The following CFAP43 variants were observed in gnomAD, a reference collection of about 807,000 sequenced individuals.
CFAP43 encodes the protein cilia and flagella associated protein 43.
Under a neutral mutation model 218.9 loss-of-function variants are expected in CFAP43, and 155 were observed. That is an observed-to-expected ratio of 0.71 (90% CI 0.62 to 0.81). The LOEUF is 0.81. CFAP43 is among the 30% of genes least tolerant of loss of function. CFAP43 has a pLI of 0.00. For synonymous variants in CFAP43, 645 were observed against 681.3 expected, an observed-to-expected ratio of 0.95 and a Z score of 0.83; for missense variants, 1,778 against 1,954.3, an observed-to-expected ratio of 0.91 and a Z score of 1.70.
At chr10:104,151,831 T>C (rs1451322296) in intron 28 of CFAP43, among the ~76,000 whole-genome samples, 2 of 152,198 alleles carry the variant, frequency 1.3e-5, no homozygotes, top group East Asian at 1.9e-4. Flanking sequence ...CAGAATGATA[T>C]TGCATAGGTT....
chr10:104,136,702 T>G (rs771547349), intron 34 of CFAP43, among the ~76,000 whole-genome samples: 24 of 151,990 alleles, frequency 1.6e-4, no homozygotes, highest in Non-Finnish European at 2.8e-4. Context: ...CATGAGACAA[T>G]CCACAGAAGG....
At chr10:104,153,884 A>G (rs2088406759) in intron 27 of CFAP43, among the ~76,000 whole-genome samples, 1 of 150,598 alleles carries the variant, frequency 6.6e-6, no homozygotes, top group Non-Finnish European at 1.5e-5. Context: ...ACACTTGAGG[A>G]CAGGCCACTT....
At position 104,182,382 on chromosome 10, in the gene CFAP43, G is replaced by A; in HGVS notation, c.2273C>T (p.Ser758Phe). ...GAACTCAACTGTGTGTTCAGAATCG[G>A]ATCCCAAATCTACGGAAACTTTTGG... is the stretch of plus-strand genomic sequence containing the variant. ...TTPKVSVDLG[S>F]DSEHTKQKAS... The change falls in exon 17 of 38, where the codon TCC becomes TTC. Residue 758 changes from serine to phenylalanine, a missense_variant. Transcript: ENST00000357060. The A allele has an allele frequency of 1.9e-6, 3 of 1,607,028 alleles. No homozygotes were observed. In the South Asian group the frequency reaches 3.4e-5, roughly 18 times the overall value.
Position 104,185,127 on chromosome 10 carries a change from C to A in CFAP43, c.2030G>T (p.Arg677Leu). The change falls in exon 16 of 38, where the codon CGG becomes CTG. Residue 677 changes from arginine (R) to leucine (L), a missense_variant. Arg to Leu is a moderately radical substitution (Grantham distance 102). This residue lies in a region of CFAP43 where 1,553 missense variants were observed against 1,685.2 expected (regional missense o/e 0.92). Coordinates refer to ENST00000357060, the MANE Select transcript of CFAP43 (RefSeq NM_025145.7). ...CCCATGACCCTGGTGAGAATGACTC[C>A]GACACCAAGCAAATGTTTCCTCAAT... ...VYTLETFAWCRSHSHQGHGIQ... is the reference protein window; with the variant it reads ...VYTLETFAWCLSHSHQGHGIQ... 1 of 1,613,708 alleles carries A rather than the reference C, an allele frequency of 6.2e-7. No individual in the cohort carries two copies. The highest frequency in any genetic ancestry group is 2.2e-5 in the East Asian group (1 of 44,850).
intron 4 of CFAP43, 115 bp from the exon 5 acceptor site, chr10:104,212,272 TAAG>T (rs2090887625): frequency 8.8e-6 from 9 of 1,019,494 alleles, no homozygotes; most frequent in South Asian, 2.5e-5. Flanking sequence ...AAAAATCAAA[TAAG>T]AAGATAAAAG....
At chr10:104,226,638 C>A (rs762554869) in intron 2 of CFAP43, among the ~76,000 whole-genome samples, 3 of 151,846 alleles carry the variant, frequency 2.0e-5, no homozygotes, top group Admixed American at 6.6e-5. Flanking sequence ...CTAGTCTTTT[C>A]TTCTGTGTTT....
chr10:104,177,650 G>A (rs2089679166), intron 19 of CFAP43, among the ~76,000 whole-genome samples: 1 of 152,142 alleles, frequency 6.6e-6, no homozygotes, highest in Non-Finnish European at 1.5e-5. Context: ...AGAGAGTCTT[G>A]GTTTGTACCA....
chr10:104,224,345 T>G (rs1254779344), intron 3 of CFAP43, among the ~76,000 whole-genome samples: 6 of 152,060 alleles, frequency 3.9e-5, no homozygotes, highest in African/African-American at 1.4e-4. Context: ...GCCTGGCCGA[T>G]GGATGTATTT....
At chr10:104,159,641 C>T (rs2088768703) in intron 27 of CFAP43, among the ~76,000 whole-genome samples, 1 of 152,076 alleles carries the variant, frequency 6.6e-6, no homozygotes, top group Non-Finnish European at 1.5e-5. Flanking sequence ...GTGGATGCAG[C>T]AGTAGAGGAG....
intron 34 of CFAP43, among the ~76,000 whole-genome samples, chr10:104,139,701 A>G (rs2087617061): frequency 6.6e-6 from 1 of 152,236 alleles, no homozygotes; most frequent in South Asian, 2.1e-4. Flanking sequence ...AGAATTCATT[A>G]CTAGCAGGCT....
intron 17 of CFAP43, 146 bp from the exon 18 acceptor site, chr10:104,180,078 A>G: frequency 1.5e-6 from 1 of 652,608 alleles, no homozygotes; most frequent in Non-Finnish European, 2.7e-6. Context: ...TGTCTGCCCA[A>G]GATGTAACAT....
At chr10:104,206,094 T>A in intron 6 of CFAP43, 64 bp from the exon 7 acceptor site, 1 of 1,274,708 alleles carries the variant, frequency 7.8e-7, no homozygotes, top group Non-Finnish European at 1.1e-6. Context: ...TAACAATGAA[T>A]AATAAAAGCT....
chr10:104,162,539 T>C (rs2088935131), intron 24 of CFAP43, 136 bp from the exon 25 acceptor site: 1 of 716,718 alleles, frequency 1.4e-6, no homozygotes, highest in Non-Finnish European at 2.4e-6. Flanking sequence ...CAATTTTCTG[T>C]TTTGGAATAA....
intron 28 of CFAP43, among the ~76,000 whole-genome samples, chr10:104,150,802 A>C (rs187068683): frequency 2.3e-3 from 354 of 152,168 alleles, no homozygotes; most frequent in Non-Finnish European, 4.1e-3. Context: ...AACTTGTGTC[A>C]TGGGGGTTTG....
chr10:104,194,867 G>A (rs1429309873), intron 10 of CFAP43, among the ~76,000 whole-genome samples: 1 of 152,218 alleles, frequency 6.6e-6, no homozygotes, highest in African/African-American at 2.4e-5. Flanking sequence ...GATCCCATAT[G>A]TGGTGACAAA....
rs1218344921 is a variant in CFAP43 at position 104,186,119 on chromosome 10, T to C, written c.1865A>G (p.His622Arg). 1.3e-6 allele frequency: 2 copies of C among 1,492,192 alleles called. No individual in the cohort carries two copies. The highest frequency in any genetic ancestry group is 1.8e-6 in the Non-Finnish European group (2 of 1,123,162). 92.4% of individuals were successfully genotyped at this position (1,492,192 alleles called of 1,614,324 possible). The stretch of plus-strand genomic sequence containing the variant: ...TGGTTTAAGAATGTAGATACCGGTA[T>C]GTTCCTGCCAATCAAAGAAAATAAC... ...ICSYLLPEEE[H>R]TGIYILKPYK... The change falls in exon 15 of 38, where the codon CAT (histidine) becomes CGT (arginine). Residue 622 changes from histidine to arginine, a missense_variant. Coordinates refer to ENST00000357060, the MANE Select transcript of CFAP43 (RefSeq NM_025145.7).
intron 20 of CFAP43, 35 bp from the exon 21 acceptor site, chr10:104,168,883 T>C (rs1179377850): frequency 3.3e-6 from 5 of 1,520,442 alleles, no homozygotes; most frequent in Admixed American, 1.7e-5. Context: ...AAGATAAAAA[T>C]GAAAGTGTGG....
At chr10:104,201,614 C>G (rs184056839) in intron 8 of CFAP43, among the ~76,000 whole-genome samples, 17 of 151,930 alleles carry the variant, frequency 1.1e-4, no homozygotes, top group Admixed American at 3.9e-4. Context: ...CCTGCTCTGC[C>G]CCCCCCAACT....
At chr10:104,162,461 C>T in intron 24 of CFAP43, 58 bp from the exon 25 acceptor site, 2 of 1,457,916 alleles carry the variant, frequency 1.4e-6, no homozygotes, top group East Asian at 2.3e-5. Context: ...ACTAAACTTT[C>T]CTTCCACATA....
Sources: gnomAD v4.1 joint callset for allele counts (sites outside exome capture counted in the v4.1 genomes callset) on GRCh38, gnomAD v4.1.1 for gene constraint, gnomAD v4.1.1 regional missense constraint, MANE v1.5 for transcripts, NCBI Gene and HGNC (gene_info 2026-07-23, HGNC 2026-07-21) for gene names.